Variants in GPHN observed in about 807,000 individuals in gnomAD.
GPHN encodes gephyrin.
In GPHN, 17 loss-of-function variants were observed where a neutral mutation model predicts 95.5. The ratio of observed to expected loss-of-function variants is 0.18; its 90% confidence interval spans 0.12 to 0.27. The LOEUF (loss-of-function observed/expected upper bound fraction) is 0.27. Ranked by LOEUF, GPHN falls within the 10% of genes least tolerant of loss-of-function variation. The probability of loss-of-function intolerance (pLI) is 1.00; values close to 1 mark genes in which losing one functional copy is unlikely to be tolerated. For synonymous variants in GPHN, 320 were observed against 322.5 expected (o/e 0.99, Z 0.08); for missense variants, 660 against 978.1 (o/e 0.67, Z 4.34).
chr14:67,297,309 G>A, the GPHN span, among the ~76,000 whole-genome samples: 1 of 152,116 alleles, frequency 6.6e-6, no homozygotes, highest in African/African-American at 2.4e-5. Flanking sequence ...GGGAAAATAT[G>A]AATTAATTTA....
the GPHN span, among the ~76,000 whole-genome samples, chr14:67,490,910 T>C: frequency 6.6e-6 from 1 of 152,126 alleles, no homozygotes. Flanking sequence ...GGGGCAGATA[T>C]GCCCCCCATA....
chr14:67,593,798 G>A, the GPHN span: 1 of 1,613,544 alleles, frequency 6.2e-7, no homozygotes, highest in East Asian at 2.2e-5. Flanking sequence ...TTCTATGAAG[G>A]TAGTGCTTTC....
At chr14:66,686,908 G>A (rs7142189) in intron 2 of GPHN, among the ~76,000 whole-genome samples, 50,326 of 151,888 alleles carry the variant, frequency 0.33, 12,308 homozygotes, top group African/African-American at 0.67. Flanking sequence ...AGCTATTATT[G>A]TTTTGAGATA....
the GPHN span, among the ~76,000 whole-genome samples, chr14:67,560,025 A>T: frequency 2.4e-4 from 36 of 151,882 alleles, no homozygotes; most frequent in African/African-American, 8.2e-4. Flanking sequence ...TTTTATTTTT[A>T]TTTATTTATT....
intron 8 of GPHN, among the ~76,000 whole-genome samples, chr14:66,963,867 G>A (rs2069137486): frequency 6.6e-6 from 1 of 152,138 alleles, no homozygotes; most frequent in Non-Finnish European, 1.5e-5. Context: ...TTAGTTTTGT[G>A]AGGCAGAAAT....
the GPHN span, among the ~76,000 whole-genome samples, chr14:67,508,753 C>CAAAAAAAAAAAAAAAAAAAAAAAAAAA: frequency 6.0e-4 from 28 of 46,668 alleles, 1 homozygote; most frequent in South Asian, 9.4e-4. Flanking sequence ...AACCTTGTCT[C>CAAAAAAAAAAAAAAAAAAAAAAAAAAA]AAAAAAAAAA....
At chr14:67,196,057 T>C in the GPHN span, among the ~76,000 whole-genome samples, 1 of 152,050 alleles carries the variant, frequency 6.6e-6, no homozygotes, top group Non-Finnish European at 1.5e-5. Context: ...AATAATGCTT[T>C]CTATGGGAAT....
chr14:66,852,515 A>G (rs1721682449), intron 4 of GPHN, among the ~76,000 whole-genome samples: 1 of 152,270 alleles, frequency 6.6e-6, no homozygotes. Context: ...TGTCTTAAGC[A>G]GAATGAACTT....
At chr14:67,302,404 T>A in the GPHN span, 5 of 1,531,710 alleles carry the variant, frequency 3.3e-6, no homozygotes, top group South Asian at 3.8e-5. Flanking sequence ...ATATATATAT[T>A]TTTAGGGTGC....
chr14:67,437,530 C>A, the GPHN span, among the ~76,000 whole-genome samples: 2 of 152,122 alleles, frequency 1.3e-5, no homozygotes, highest in Non-Finnish European at 2.9e-5. Flanking sequence ...ATTTCAATGT[C>A]CAAACCTCAC....
At chr14:67,586,507 T>A in the GPHN span, 1 of 913,142 alleles carries the variant, frequency 1.1e-6, no homozygotes, top group African/African-American at 1.7e-5. Flanking sequence ...AGCTACAAAG[T>A]GGGACAGTCC....
the GPHN span, among the ~76,000 whole-genome samples, chr14:67,463,305 C>T: frequency 2.6e-5 from 4 of 151,922 alleles, no homozygotes. Context: ...AGGCAATGCC[C>T]ACAAGACTTA....
intron 2 of GPHN, among the ~76,000 whole-genome samples, chr14:66,763,001 A>C (rs2058815295): frequency 6.6e-6 from 1 of 152,172 alleles, no homozygotes. Flanking sequence ...TGGTAATATA[A>C]ATCAGAATGT....
intron 3 of GPHN, among the ~76,000 whole-genome samples, chr14:66,808,130 A>C (rs1417318047): frequency 6.6e-6 from 1 of 152,206 alleles, no homozygotes; most frequent in Non-Finnish European, 1.5e-5. Flanking sequence ...CATTGATTAC[A>C]GGTGTTATTA....
At chr14:67,674,905 C>T in the GPHN span, 1 of 156,120 alleles carries the variant, frequency 6.4e-6, no homozygotes, top group Admixed American at 6.5e-5. Context: ...GGGGCGGGCG[C>T]TGCAGTGCAC....
At chr14:67,374,387 C>A in the GPHN span, 1 of 713,086 alleles carries the variant, frequency 1.4e-6, no homozygotes, top group Non-Finnish European at 2.2e-6. Context: ...CAATCAAACA[C>A]TTAATTTGGT....
intron 8 of GPHN, among the ~76,000 whole-genome samples, chr14:66,933,854 A>G (rs952398393): frequency 3.9e-5 from 6 of 152,112 alleles, no homozygotes; most frequent in African/African-American, 1.4e-4. Flanking sequence ...TTCACAGTCT[A>G]GGGCCTGGGT....
the GPHN span, chr14:67,302,249 C>T: frequency 8.6e-7 from 1 of 1,159,562 alleles, no homozygotes; most frequent in South Asian, 2.3e-5. Flanking sequence ...AAATGGTCAA[C>T]TTTTAAATCT....
the GPHN span, among the ~76,000 whole-genome samples, chr14:67,399,712 AGGGTGGTTTAGGT>A: frequency 5.3e-5 from 7 of 130,844 alleles, no homozygotes; most frequent in African/African-American, 1.7e-4. Context: ...AATAAAGAGA[AGGGTGGTTTAGGT>A]GGGTCTCAGG....
Sources: gnomAD v4.1 joint callset for allele counts (sites outside exome capture counted in the v4.1 genomes callset) on GRCh38, gnomAD v4.1.1 for gene constraint, MANE v1.5 for transcripts, NCBI Gene and HGNC (gene_info 2026-07-23, HGNC 2026-07-21) for gene names.